The following DPP8 variants were observed in gnomAD, a reference collection of about 807,000 sequenced individuals.
DPP8 encodes the protein dipeptidyl peptidase 8, also known as DPP VIII.
DPP8 carries 31 observed loss-of-function variants against 107.5 expected under a neutral mutation model. That is an observed-to-expected ratio of 0.29 (90% CI 0.22 to 0.39). The LOEUF is 0.39. Among genes scored for constraint, DPP8 ranks in the 10% least tolerant of loss-of-function variants. The pLI is 1.00. For synonymous variants in DPP8, 381 were observed against 356.6 expected, an observed-to-expected ratio of 1.07 and a Z score of -0.77; for missense variants, 842 against 1,076.1, an observed-to-expected ratio of 0.78 and a Z score of 3.04.
In DPP8 at chr15:65,512,542, T is replaced by C; in HGVS notation, c.12A>G (p.Ala4=). 6.2e-7 allele frequency: 1 copy of C among 1,614,108 alleles called. No homozygotes were observed. Among genetic ancestry groups the C allele is most frequent in the South Asian group, 1.1e-5 (1 of 91,078 alleles). Residue 4 remains alanine, a synonymous_variant, in exon 2 of 20, where the codon GCA becomes GCG. Coordinates refer to ENST00000300141, the MANE Select transcript of DPP8 (RefSeq NM_130434.5). The part of the protein sequence containing the change: MAA[A]METEQLGVEI... ...CAACACCCAGCTGTTCTGTTTCCATTGCTGCTGCCATGTTGCATTTTCCTA... is the reference window on the plus strand; with the variant it reads ...CAACACCCAGCTGTTCTGTTTCCATCGCTGCTGCCATGTTGCATTTTCCTA...
At position 65,447,106 on chromosome 15, in the gene DPP8, C is replaced by T. The variant is rs546968806; in HGVS notation, c.2527-100G>A. 52 of 833,140 alleles carry T rather than the reference C, an allele frequency of 6.2e-5. No homozygotes were observed. The East Asian group carries it at 1.1e-3, about 18-fold the overall frequency. 51.6% of individuals were successfully genotyped at this position (833,140 alleles called of 1,614,324 possible). A position where few individuals can be genotyped will look rare whatever the true frequency, so the allele number is the denominator to read the frequency against. Reference sequence around the variant, plus strand: ...GAGATTTTTAACAGGATTAATAATACGAAGCACAGCCTCTATGCAATATTG... The same window carrying T: ...GAGATTTTTAACAGGATTAATAATATGAAGCACAGCCTCTATGCAATATTG... On this transcript the variant is annotated intron_variant, in intron 19 of 19. Coordinates refer to ENST00000300141, the MANE Select transcript of DPP8 (RefSeq NM_130434.5).
At chr15:65,479,792 C>T (rs1211441653) in intron 10 of DPP8, among the ~76,000 whole-genome samples, 1 of 142,524 alleles carries the variant, frequency 7.0e-6, no homozygotes, top group Non-Finnish European at 1.5e-5. Flanking sequence ...TGCAGTGAGC[C>T]GAGATTGCAC....
At chr15:65,462,813 T>C (rs908073270) in intron 15 of DPP8, among the ~76,000 whole-genome samples, 1 of 151,838 alleles carries the variant, frequency 6.6e-6, no homozygotes, top group Non-Finnish European at 1.5e-5. Flanking sequence ...TCTCCTGACC[T>C]TGTGATCTGC....
Position 65,491,723 on chromosome 15 carries a change from G to A in DPP8, c.716-1424C>T, listed in dbSNP as rs576449809. On this transcript the variant is annotated intron_variant, in intron 5 of 19. Transcript: ENST00000300141. ...TCTGTTTCCAGTTTCTGGCTATTAT[G>A]ACTAAAGATGCTATGAACATTTTTT... is the stretch of plus-strand genomic sequence containing the variant. Among the ~76,000 whole-genome samples, 171 of 152,208 alleles carry A rather than the reference G, an allele frequency of 1.1e-3. 1 individual carries two copies. Among genetic ancestry groups the A allele is most frequent in the East Asian group, 5.8e-4 (3 of 5,160 alleles).
intron 14 of DPP8, among the ~76,000 whole-genome samples, chr15:65,466,376 G>A (rs1352425852): frequency 6.6e-6 from 1 of 152,142 alleles, no homozygotes; most frequent in Non-Finnish European, 1.5e-5. Flanking sequence ...GACCTCAAGT[G>A]ATCCACCCGC....
chr15:65,481,659 GATAA>G (rs745712553), intron 8 of DPP8, 44 bp from the exon 9 acceptor site: 18 of 1,127,708 alleles, frequency 1.6e-5, no homozygotes, highest in Admixed American at 8.2e-5. Context: ...AGAAGATTTA[GATAA>G]ATAATTAGCT....
chr15:65,466,562 C>G, intron 14 of DPP8, 116 bp downstream of exon 14: 1 of 904,718 alleles, frequency 1.1e-6, no homozygotes, highest in South Asian at 1.5e-5. Context: ...AGCTCAGGGA[C>G]AGGCAGTGGT....
Position 65,500,693 on chromosome 15 carries a change from G to C in DPP8, c.459C>G (p.Tyr153Ter). Residue 153 changes from tyrosine to a stop codon, truncating the protein, a stop_gained, in exon 4 of 20, where the codon TAC becomes TAG. Coordinates refer to ENST00000300141, the MANE Select transcript of DPP8 (RefSeq NM_130434.5). LOFTEE classifies it high-confidence loss of function. Reference sequence around the variant, plus strand: ...ATGTTCCACTTCCTTGGTGATAATCGTAAGAAGCAATTCCGACTGTTCCAA... The same window carrying C: ...ATGTTCCACTTCCTTGGTGATAATCCTAAGAAGCAATTCCGACTGTTCCAA... ...KRIGTVGIAS[Y>*]DYHQGSGTFL... The C allele has an allele frequency of 1.2e-6, 2 of 1,613,584 alleles. No individual in the cohort carries two copies. The highest frequency in any genetic ancestry group is 1.7e-6 in the Non-Finnish European group (2 of 1,179,644).
Position 65,467,009 on chromosome 15 carries a change from G to A in DPP8, c.1689+62C>T. 1.9e-6 allele frequency: 3 copies of A among 1,583,362 alleles called. No individual in the cohort carries two copies. In the South Asian group the frequency reaches 3.4e-5, roughly 18 times the overall value. On this transcript the variant is annotated intron_variant, in intron 13 of 19. Coordinates refer to ENST00000300141, the MANE Select transcript of DPP8 (RefSeq NM_130434.5). ...AGGCCAATTTCACATCATTCAAAAG[G>A]AGTATTACATAAGCAGAGAGTTTTA...
chr15:65,443,189 T>G lies in DPP8; in HGVS notation c.*3695A>C, dbSNP rs895520518. ...TTATAGGAATATATTAATAAATATT[T>G]CTTTAAAAATTTACCTTTTCTATAT... On this transcript the variant is annotated 3_prime_UTR_variant, in exon 20 of 20. Coordinates refer to ENST00000300141, the MANE Select transcript of DPP8 (RefSeq NM_130434.5). 1 of 152,224 alleles carries G rather than the reference T, an allele frequency of 6.6e-6. No homozygotes were observed. Among genetic ancestry groups the G allele is most frequent in the African/African-American group, 2.4e-5 (1 of 41,456 alleles). The allele number at this position is 152,224 out of a possible 1,614,324, so 9.4% of individuals were successfully genotyped here. A position where few individuals can be genotyped will look rare whatever the true frequency, so the allele number is the denominator to read the frequency against.
At chr15:65,475,415 C>T (rs2066292058) in intron 11 of DPP8, 3 of 1,571,712 alleles carry the variant, frequency 1.9e-6, no homozygotes, top group Non-Finnish European at 1.7e-6. Context: ...AGCTTTGCCA[C>T]TCAAATATAC....
At position 65,467,895 on chromosome 15, in the gene DPP8, C is replaced by A. The variant is rs115154002; in HGVS notation, c.1537-672G>T. 7.6e-3 allele frequency among the ~76,000 whole-genome samples: 1,150 copies of A among 152,212 alleles called. 14 individuals carry two copies. Among genetic ancestry groups the A allele is most frequent in the African/African-American group, 0.026 (1,098 of 41,528 alleles). ...ATACTTGAAAGTCTAATTTTACTAT[C>A]TTGTATATTTATTAGTTAGTGTTAT... On this transcript the variant is annotated intron_variant, in intron 12 of 19. Coordinates refer to ENST00000300141, the MANE Select transcript of DPP8 (RefSeq NM_130434.5).
At chr15:65,449,825 TTACTAC>T (rs1164828383) in intron 19 of DPP8, among the ~76,000 whole-genome samples, 2 of 152,216 alleles carry the variant, frequency 1.3e-5, no homozygotes, top group African/African-American at 4.8e-5. Flanking sequence ...AGTGTCTTCT[TTACTAC>T]TATGTCAGAC....
chr15:65,507,177 C>A (rs982605167), intron 3 of DPP8, 66 bp downstream of exon 3: 1 of 865,068 alleles, frequency 1.2e-6, no homozygotes, highest in Non-Finnish European at 1.7e-6. Flanking sequence ...AAAATCCCAA[C>A]CTCTAAATAA....
At chr15:65,515,623 C>T in intron 1 of DPP8, 1 of 1,603,986 alleles carries the variant, frequency 6.2e-7, no homozygotes, top group Non-Finnish European at 8.5e-7. Flanking sequence ...GCCCCACCTA[C>T]CTCGTCACTT....
chr15:65,510,341 A>T (rs1181889684), intron 2 of DPP8, among the ~76,000 whole-genome samples: 2 of 152,068 alleles, frequency 1.3e-5, no homozygotes, highest in Non-Finnish European at 2.9e-5. Context: ...TAATTAATTT[A>T]AAAAATAAGC....
chr15:65,475,520 G>A, intron 11 of DPP8: 1 of 1,425,252 alleles, frequency 7.0e-7, no homozygotes, highest in Non-Finnish European at 9.8e-7. Flanking sequence ...TGCCATAAAG[G>A]CATTAAAACC....
intron 18 of DPP8, 82 bp from the exon 19 acceptor site, chr15:65,451,192 A>C: frequency 1.3e-6 from 1 of 799,532 alleles, no homozygotes; most frequent in Non-Finnish European, 2.1e-6. Flanking sequence ...ATCATACTTA[A>C]CCATATTAAC....
chr15:65,447,723 A>G lies in DPP8; in HGVS notation c.2527-717T>C, dbSNP rs199610473. 3.3e-5 allele frequency among the ~76,000 whole-genome samples: 5 copies of G among 152,304 alleles called. No homozygotes were observed. In the East Asian group the frequency reaches 9.6e-4, roughly 29 times the overall value. Reference sequence around the variant, plus strand: ...TATGGTTATTTAGGGTATCCAGTAAATATTTTCTCAAAAGTGAATGAAGTG... The same window carrying G: ...TATGGTTATTTAGGGTATCCAGTAAGTATTTTCTCAAAAGTGAATGAAGTG... On this transcript the variant is annotated intron_variant, in intron 19 of 19. Coordinates refer to ENST00000300141, the MANE Select transcript of DPP8 (RefSeq NM_130434.5).
Sources: gnomAD v4.1 joint callset for allele counts (sites outside exome capture counted in the v4.1 genomes callset) on GRCh38, gnomAD v4.1.1 for gene constraint, MANE v1.5 for transcripts, NCBI Gene and HGNC (gene_info 2026-07-23, HGNC 2026-07-21) for gene names.